The following DCAF6 variants were observed in gnomAD, a reference collection of about 807,000 sequenced individuals.
DCAF6 encodes the protein DDB1 and CUL4 associated factor 6, also known as DDB1- and CUL4-associated factor 6.
DCAF6 carries 54 observed loss-of-function variants against 125.1 expected under a neutral mutation model. The observed-to-expected ratio is 0.43, with a 90% CI of 0.35 to 0.54. DCAF6 has a LOEUF of 0.54. DCAF6 is among the 20% of genes least tolerant of loss of function. The pLI is 0.01. For missense variants in DCAF6, 934 were observed against 1,161.7 expected (o/e 0.80, Z 2.85); for synonymous variants, 371 against 390.4 (o/e 0.95, Z 0.58).
At chr1:167,996,739 ACTTG>A (rs915470507) in intron 7 of DCAF6, among the ~76,000 whole-genome samples, 2 of 152,056 alleles carry the variant, frequency 1.3e-5, no homozygotes, top group African/African-American at 4.8e-5. Flanking sequence ...AACCACATCT[ACTTG>A]CTTAGTAACT....
chr1:168,046,812 G>C (rs1057120769), intron 16 of DCAF6, among the ~76,000 whole-genome samples: 9 of 152,050 alleles, frequency 5.9e-5, no homozygotes, highest in African/African-American at 2.2e-4. Context: ...CTATAATTAA[G>C]CTTGTACATT....
intron 12 of DCAF6, chr1:168,023,484 C>G (rs1271678375): frequency 1.8e-5 from 3 of 168,028 alleles, no homozygotes; most frequent in Non-Finnish European, 2.6e-5. Flanking sequence ...TCTCACTTAT[C>G]TGGTAGCCAA....
At chr1:167,989,653 C>T (rs954175519) in intron 5 of DCAF6, among the ~76,000 whole-genome samples, 2 of 152,196 alleles carry the variant, frequency 1.3e-5, no homozygotes, top group South Asian at 2.1e-4. Context: ...GAGGCTGAGG[C>T]GGGCAGATCA....
chr1:168,041,607 T>C (rs886583105), intron 13 of DCAF6, among the ~76,000 whole-genome samples: 7 of 152,134 alleles, frequency 4.6e-5, no homozygotes, highest in African/African-American at 1.7e-4. Flanking sequence ...TCTTGTCTCA[T>C]TACCATTTAT....
the DCAF6 span, among the ~76,000 whole-genome samples, chr1:167,885,455 T>C: frequency 6.6e-6 from 1 of 152,238 alleles, no homozygotes; most frequent in African/African-American, 2.4e-5. Flanking sequence ...GCGTTTGTTA[T>C]TGCCTGTCTT....
chr1:167,913,115 A>G, the DCAF6 span, among the ~76,000 whole-genome samples: 1 of 152,206 alleles, frequency 6.6e-6, no homozygotes, highest in African/African-American at 2.4e-5. Flanking sequence ...CACATCAAGA[A>G]TACAGCATGA....
the DCAF6 span, among the ~76,000 whole-genome samples, chr1:167,894,827 C>G: frequency 6.6e-6 from 1 of 152,118 alleles, no homozygotes; most frequent in African/African-American, 2.4e-5. Flanking sequence ...CAGCTAGTGT[C>G]TGAAGTTTGT....
chr1:168,054,792 T>C (rs1690402661), intron 17 of DCAF6, among the ~76,000 whole-genome samples: 1 of 151,422 alleles, frequency 6.6e-6, no homozygotes, highest in Non-Finnish European at 1.5e-5. Context: ...GTATACATAG[T>C]ATAAATTAAA....
intron 5 of DCAF6, among the ~76,000 whole-genome samples, chr1:167,989,992 T>C (rs1465277809): frequency 6.6e-6 from 1 of 152,218 alleles, no homozygotes; most frequent in Non-Finnish European, 1.5e-5. Context: ...TCTACAGAGA[T>C]AAGTAATAAC....
intron 17 of DCAF6, among the ~76,000 whole-genome samples, chr1:168,060,186 T>G (rs1415852614): frequency 6.6e-6 from 1 of 152,154 alleles, no homozygotes; most frequent in Non-Finnish European, 1.5e-5. Context: ...TTTTGAGTTT[T>G]GGTTTTTGTT....
At chr1:168,042,096 A>G (rs1389133948) in intron 13 of DCAF6, among the ~76,000 whole-genome samples, 1 of 151,952 alleles carries the variant, frequency 6.6e-6, no homozygotes, top group African/African-American at 2.4e-5. Flanking sequence ...TAAAAAGTCA[A>G]TTTGACTTCT....
intron 9 of DCAF6, 115 bp downstream of exon 9, chr1:168,004,104 A>G (rs962836127): frequency 6.3e-6 from 8 of 1,279,616 alleles, no homozygotes; most frequent in Non-Finnish European, 8.6e-6. Context: ...AATAATCACA[A>G]GGTTCTTATT....
the DCAF6 span, among the ~76,000 whole-genome samples, chr1:167,897,532 G>T: frequency 0.12 from 6 of 52 alleles, no homozygotes; most frequent in African/African-American, 0.18. Flanking sequence ...TATATATAGA[G>T]AGAGAGAGAG....
rs1294510520 is a variant in DCAF6 at position 167,991,324 on chromosome 1, G to A, written c.673G>A (p.Gly225Ser). Residue 225 changes from glycine (G) to serine (S), a missense_variant, in exon 6 of 22, where the codon GGC becomes AGC. Gly to Ser is a moderately conservative substitution (Grantham distance 56, BLOSUM62 0). Coordinates refer to ENST00000367840, the MANE Select transcript of DCAF6 (RefSeq NM_001198956.2). The stretch of plus-strand genomic sequence containing the variant: ...ACGAATATATGATCGGCGAATGCTG[G>A]GCACAAGAGCTACAGGTAAGAAGAT... The part of the protein sequence containing the change: ...SVRIYDRRML[G>S]TRATGNYAGR... 2 of 1,611,202 alleles carry A rather than the reference G, an allele frequency of 1.2e-6. No individual in the cohort carries two copies. Among genetic ancestry groups the A allele is most frequent in the Admixed American group, 1.7e-5 (1 of 59,656 alleles).
chr1:167,908,021 A>G, the DCAF6 span, among the ~76,000 whole-genome samples: 4 of 152,210 alleles, frequency 2.6e-5, no homozygotes, highest in African/African-American at 9.6e-5. Flanking sequence ...TAAAAAATTA[A>G]AAATAGAACT....
chr1:167,864,046 G>A, the DCAF6 span, among the ~76,000 whole-genome samples: 2 of 152,182 alleles, frequency 1.3e-5, no homozygotes, highest in African/African-American at 2.4e-5. Flanking sequence ...TGCCTGTTCC[G>A]GCACTTTGGT....
At chr1:167,946,774 G>C (rs952133772) in intron 1 of DCAF6, among the ~76,000 whole-genome samples, 5 of 152,104 alleles carry the variant, frequency 3.3e-5, no homozygotes, top group Non-Finnish European at 7.4e-5. Context: ...TGGTTTGCTA[G>C]TATTTTGTTG....
At chr1:167,905,864 C>T in the DCAF6 span, among the ~76,000 whole-genome samples, 1 of 152,064 alleles carries the variant, frequency 6.6e-6, no homozygotes, top group Non-Finnish European at 1.5e-5. Flanking sequence ...TTTCCTAAGG[C>T]CTTCCTGTAG....
At chr1:167,984,283 CCTT>C (rs1453604197) in intron 4 of DCAF6, among the ~76,000 whole-genome samples, 1 of 152,082 alleles carries the variant, frequency 6.6e-6, no homozygotes, top group East Asian at 1.9e-4. Context: ...CTTTTCCCCT[CCTT>C]CTTGAGGAAG....
Sources: allele counts gnomAD v4.1 joint callset (sites outside exome capture counted in the v4.1 genomes callset), GRCh38; gene constraint gnomAD v4.1.1; transcripts MANE v1.5; gene names NCBI Gene and HGNC (gene_info 2026-07-23, HGNC 2026-07-21).